ZNF620: variants seen among roughly 807,000 people sequenced by gnomAD.
ZNF620 encodes zinc finger protein 620.
ZNF620 carries 10 observed loss-of-function variants against 13.3 expected under a neutral mutation model. That is an observed-to-expected ratio of 0.75 (90% CI 0.46 to 1.28). ZNF620 has a LOEUF of 1.28. Ranked by LOEUF, ZNF620 falls within the 50% of genes most tolerant of loss-of-function variation. The pLI is 0.00. For synonymous variants in ZNF620, 166 were observed against 177.6 expected, an observed-to-expected ratio of 0.93 and a Z score of 0.52; for missense variants, 461 against 500.2, an observed-to-expected ratio of 0.92 and a Z score of 0.75.
At chr3:40,508,142 A>G (rs1368722199) in intron 2 of ZNF620, among the ~76,000 whole-genome samples, 1 of 152,026 alleles carries the variant, frequency 6.6e-6, no homozygotes, top group African/African-American at 2.4e-5. Flanking sequence ...ATTTTTCTTT[A>G]AGAACTAGCT....
intron 2 of ZNF620, chr3:40,508,819 G>A (rs540637800): frequency 7.2e-5 from 33 of 456,198 alleles, no homozygotes; most frequent in South Asian, 4.2e-4. Flanking sequence ...CTAGAGACAA[G>A]GTTGCCTAGG....
Position 40,518,012 on chromosome 3 carries a change from C to T in ZNF620, c.*1149C>T, listed in dbSNP as rs1178702918. On this transcript the variant is annotated 3_prime_UTR_variant, in exon 5 of 5. Transcript: ENST00000314529. ...CTTTGCAAAAGTCAGGATGTATATACTCTTTGAGTCAGGTGCAAGGCACCA... is the reference window on the plus strand; with the variant it reads ...CTTTGCAAAAGTCAGGATGTATATATTCTTTGAGTCAGGTGCAAGGCACCA... 2 of 152,252 alleles carry T rather than the reference C, an allele frequency of 1.3e-5. No homozygotes were observed. The highest frequency in any genetic ancestry group is 2.4e-5 in the African/African-American group (1 of 41,468). 9.4% of individuals were successfully genotyped at this position (152,252 alleles called of 1,614,324 possible).
intron 2 of ZNF620, among the ~76,000 whole-genome samples, chr3:40,511,189 G>C (rs1698187483): frequency 6.6e-6 from 1 of 152,058 alleles, no homozygotes; most frequent in African/African-American, 2.4e-5. Context: ...CTGGGGAAAG[G>C]AGCCCAGAGG....
At chr3:40,512,654 C>A in intron 4 of ZNF620, 139 bp downstream of exon 4, 2 of 650,666 alleles carry the variant, frequency 3.1e-6, no homozygotes, top group Admixed American at 6.4e-5. Flanking sequence ...TCTCTGAGTT[C>A]ATGGTGGTAG....
At chr3:40,508,817 A>G (rs574713949) in intron 2 of ZNF620, 3 of 456,306 alleles carry the variant, frequency 6.6e-6, no homozygotes, top group African/African-American at 4.0e-5. Context: ...TCCTAGAGAC[A>G]AGGTTGCCTA....
rs1010216000 is a variant in ZNF620, at chr3:40,518,294, C to T, written c.*1431C>T. 2.6e-5 allele frequency: 4 copies of T among 152,152 alleles called. No homozygotes were observed. The highest frequency in any genetic ancestry group is 2.1e-4 in the South Asian group (1 of 4,832). 9.4% of individuals were successfully genotyped at this position (152,152 alleles called of 1,614,324 possible). A position where few individuals can be genotyped will look rare whatever the true frequency, so the allele number is the denominator to read the frequency against. On this transcript the variant is annotated 3_prime_UTR_variant, in exon 5 of 5. Transcript: ENST00000314529. ...CTTTGGTTTGAGTCCAGGTGTTTGTCCTTGGTTAAGTTACAAAAACTGCAC... is the reference window on the plus strand; with the variant it reads ...CTTTGGTTTGAGTCCAGGTGTTTGTTCTTGGTTAAGTTACAAAAACTGCAC...
chr3:40,512,258 G>A, intron 3 of ZNF620, 144 bp from the exon 4 acceptor site: 1 of 710,460 alleles, frequency 1.4e-6, no homozygotes, highest in Non-Finnish European at 2.5e-6. Flanking sequence ...GGAAATTTCT[G>A]TCCTCCAGCA....
At chr3:40,512,591 T>A in intron 4 of ZNF620, 76 bp downstream of exon 4, 1 of 1,061,266 alleles carries the variant, frequency 9.4e-7, no homozygotes, top group South Asian at 1.6e-5. Context: ...GTGCAAGAAG[T>A]GTTTCTTCTC....
chr3:40,508,288 ATCTT>A (rs959210768), intron 2 of ZNF620, among the ~76,000 whole-genome samples: 1 of 149,972 alleles, frequency 6.7e-6, no homozygotes, highest in Non-Finnish European at 1.5e-5. Context: ...CAGATTTGAG[ATCTT>A]TCTTTTTTTT....
rs1698414594 is a variant in ZNF620 at position 40,517,041 on chromosome 3, A to G, written c.*178A>G. Reference sequence around the variant, plus strand: ...TCTCTTTATGGTTAGAGAAGACCAAAAAACAAACAAACAAACTTAGAAACA... The same window carrying G: ...TCTCTTTATGGTTAGAGAAGACCAAGAAACAAACAAACAAACTTAGAAACA... On this transcript the variant is annotated 3_prime_UTR_variant, in exon 5 of 5. Transcript: ENST00000314529. The G allele has an allele frequency of 1.8e-6, 1 of 550,456 alleles. No homozygotes were observed. The highest frequency in any genetic ancestry group is 3.0e-6 in the Non-Finnish European group (1 of 336,652). The allele number at this position is 550,456 out of a possible 1,614,324, so 34.1% of individuals were successfully genotyped here.
Position 40,506,313 on chromosome 3 carries a change from T to C in ZNF620, c.-40T>C. ...TTTATTTTCTCTTCAGTTTCACTTC[T>C]CCGAACCCTGAGGCAGTGTGTGAAG... On this transcript the variant is annotated 5_prime_UTR_variant, in exon 2 of 5. Coordinates refer to ENST00000314529, the MANE Select transcript of ZNF620 (RefSeq NM_175888.4). 1 of 1,613,908 alleles carries C rather than the reference T, an allele frequency of 6.2e-7. No homozygotes were observed. Among genetic ancestry groups the C allele is most frequent in the Non-Finnish European group, 8.5e-7 (1 of 1,179,980 alleles).
At chr3:40,512,565 G>A (rs746087963) in intron 4 of ZNF620, 50 bp downstream of exon 4, 3 of 1,324,774 alleles carry the variant, frequency 2.3e-6, no homozygotes, top group African/African-American at 3.0e-5. Flanking sequence ...TTGCTTTCTT[G>A]TTTTCACATT....
chr3:40,507,089 GTTTTT>G (rs370195603), intron 2 of ZNF620, among the ~76,000 whole-genome samples: 2 of 98,166 alleles, frequency 2.0e-5, no homozygotes, highest in South Asian at 4.0e-4. Flanking sequence ...TGACCATATG[GTTTTT>G]TTTTTTTTTT....
intron 4 of ZNF620, among the ~76,000 whole-genome samples, chr3:40,514,905 A>C (rs983756764): frequency 1.3e-5 from 2 of 152,082 alleles, no homozygotes; most frequent in African/African-American, 4.8e-5. Flanking sequence ...CCAAGTCTTG[A>C]GTTTAAGTTG....
At position 40,516,922 on chromosome 3, in the gene ZNF620, T is replaced by A; in HGVS notation, c.*59T>A. The A allele has an allele frequency of 6.6e-7, 1 of 1,510,654 alleles. No homozygotes were observed. The highest frequency in any genetic ancestry group is 2.1e-4 in the Middle Eastern group (1 of 4,786). 93.6% of individuals were successfully genotyped at this position (1,510,654 alleles called of 1,614,324 possible). ...TTTTTTCTCTTTATTTTCATGCTTT[T>A]TATCAGTGTCCTCGCTGTCCTTCCT... On this transcript the variant is annotated 3_prime_UTR_variant, in exon 5 of 5. Coordinates refer to ENST00000314529, the MANE Select transcript of ZNF620 (RefSeq NM_175888.4).
intron 2 of ZNF620, among the ~76,000 whole-genome samples, chr3:40,507,388 C>T (rs1698062371): frequency 6.6e-6 from 1 of 152,164 alleles, no homozygotes; most frequent in South Asian, 2.1e-4. Flanking sequence ...CCGTGCCCAG[C>T]CTCTCTTTGT....
In ZNF620 at chr3:40,516,660, C is replaced by T. The variant is rs138858148; in HGVS notation, c.1066C>T (p.Arg356Ter). 1.8e-5 allele frequency: 29 copies of T among 1,613,060 alleles called. No homozygotes were observed. Among genetic ancestry groups the T allele is most frequent in the African/African-American group, 1.2e-4 (9 of 74,688 alleles). Reference sequence around the variant, plus strand: ...CAACACAGCCTTGACTCAGCATCAGCGAATTCACACTGGGGAGAAGCCCTT... The same window carrying T: ...CAACACAGCCTTGACTCAGCATCAGTGAATTCACACTGGGGAGAAGCCCTT... ...SSNTALTQHQ[R>*]IHTGEKPFEC... Residue 356 changes from arginine to a stop codon, truncating the protein, a stop_gained, in exon 5 of 5, where the codon CGA (arginine) becomes TGA (stop). Transcript: ENST00000314529. LOFTEE classifies it low-confidence loss of function (END_TRUNC).
At position 40,506,363 on chromosome 3, in the gene ZNF620, C is replaced by G. The variant is rs1181347463; in HGVS notation, c.11C>G (p.Thr4Ser). 1 of 1,613,924 alleles carries G rather than the reference C, an allele frequency of 6.2e-7. No individual in the cohort carries two copies. Among genetic ancestry groups the G allele is most frequent in the East Asian group, 2.2e-5 (1 of 44,880 alleles). Residue 4 changes from threonine (T) to serine (S), a missense_variant, in exon 2 of 5, where the codon ACC becomes AGC. Physicochemically the swap from Thr to Ser is moderately conservative, Grantham distance 58. Coordinates refer to ENST00000314529, the MANE Select transcript of ZNF620 (RefSeq NM_175888.4). ...GCTGGGACGCCAGCCATGTTCCAGACCGCTTGGCGCCAGGTGAGTGAGCAT... is the reference window on the plus strand; with the variant it reads ...GCTGGGACGCCAGCCATGTTCCAGAGCGCTTGGCGCCAGGTGAGTGAGCAT... MFQ[T>S]AWRQEPVTFE...
intron 3 of ZNF620, 112 bp downstream of exon 3, chr3:40,511,708 G>A (rs1698205520): frequency 7.3e-7 from 1 of 1,369,902 alleles, no homozygotes; most frequent in Non-Finnish European, 9.7e-7. Context: ...TGAGACAAGA[G>A]TCTCCCTCTG....
Sources: gnomAD v4.1 joint callset for allele counts (sites outside exome capture counted in the v4.1 genomes callset) on GRCh38, gnomAD v4.1.1 for gene constraint, MANE v1.5 for transcripts, NCBI Gene and HGNC (gene_info 2026-07-23, HGNC 2026-07-21) for gene names.